The following PSMD3 variants were observed in gnomAD, a reference collection of about 807,000 sequenced individuals.
The protein encoded by PSMD3 is 26S proteasome non-ATPase regulatory subunit 3.
A neutral mutation model predicts 62.8 loss-of-function variants in PSMD3; 5 were observed. That is an observed-to-expected ratio of 0.08 (90% confidence interval 0.04 to 0.17). PSMD3 has a LOEUF of 0.17. Among genes scored for constraint, PSMD3 ranks in the 10% least tolerant of loss-of-function variants. The pLI, the probability that PSMD3 is intolerant of heterozygous loss-of-function variation, is 1.00. For missense variants in PSMD3, 524 were observed against 713.6 expected, an observed-to-expected ratio of 0.73 and a Z score of 3.03; for synonymous variants, 265 against 283.9, an observed-to-expected ratio of 0.93 and a Z score of 0.67.
At chr17:39,986,740 A>C in intron 3 of PSMD3, 28 bp downstream of exon 3, 1 of 1,612,630 alleles carries the variant, frequency 6.2e-7, no homozygotes, top group Non-Finnish European at 8.5e-7. Context: ...AGAGCGATTC[A>C]TAAGCCCCAA....
chr17:39,995,365 T>G lies in PSMD3; in HGVS notation c.1217-59T>G. 1 of 1,613,620 alleles carries G rather than the reference T, an allele frequency of 6.2e-7. No individual in the cohort carries two copies. The highest frequency in any genetic ancestry group is 8.5e-7 in the Non-Finnish European group (1 of 1,179,556). On this transcript the variant is annotated intron_variant, in intron 8 of 11. Coordinates refer to ENST00000264639, the MANE Select transcript of PSMD3 (RefSeq NM_002809.4). This position sits in a 1 kb window ranked among gnomAD's most constrained non-coding sequence, Gnocchi z 4.1. ...GCCAGGGCAAACCTAGTGGGTATCC[T>G]TGGGCAAGTGAAGGGTCTGTGTCCA...
Position 39,980,969 on chromosome 17 carries a change from C to T in PSMD3, c.-2C>T, listed in dbSNP as rs1238267133. 3.9e-6 allele frequency: 6 copies of T among 1,532,460 alleles called. No individual in the cohort carries two copies. Among genetic ancestry groups the T allele is most frequent in the South Asian group, 3.7e-5 (3 of 81,194 alleles). 94.9% of individuals were successfully genotyped at this position (1,532,460 alleles called of 1,614,324 possible). A position where few individuals can be genotyped will look rare whatever the true frequency, so the allele number is the denominator to read the frequency against. On this transcript the variant is annotated 5_prime_UTR_variant, in exon 1 of 12. Coordinates refer to ENST00000264639, the MANE Select transcript of PSMD3 (RefSeq NM_002809.4). ...CCGGACTAGGCCGTGACCCCGGGTG[C>T]CATGAAGCAGGAGGGCTCGGCGCGG...
intron 3 of PSMD3, among the ~76,000 whole-genome samples, chr17:39,987,504 G>A (rs907677278): frequency 6.6e-6 from 1 of 151,966 alleles, no homozygotes; most frequent in East Asian, 1.9e-4. Flanking sequence ...GTGCCACCAC[G>A]CCCAGCTAAT....
At chr17:39,989,692 G>T in intron 4 of PSMD3, 47 bp from the exon 5 acceptor site, 1 of 1,557,764 alleles carries the variant, frequency 6.4e-7, no homozygotes, top group South Asian at 1.1e-5. Context: ...AGGCAGTTCA[G>T]AGAGTTGTGA....
Position 39,997,687 on chromosome 17 carries a change from C to A in PSMD3, c.*106C>A. 1 of 1,321,474 alleles carries A rather than the reference C, an allele frequency of 7.6e-7. No individual in the cohort carries two copies. Among genetic ancestry groups the A allele is most frequent in the Non-Finnish European group, 1.1e-6 (1 of 942,910 alleles). 81.9% of individuals were successfully genotyped at this position (1,321,474 alleles called of 1,614,324 possible). ...CATTTTCCCACACACAGCTCATATG[C>A]TGCATTCGTGCAGGGGGTGGGGGTG... On this transcript the variant is annotated 3_prime_UTR_variant, in exon 12 of 12. Coordinates refer to ENST00000264639, the MANE Select transcript of PSMD3 (RefSeq NM_002809.4).
intron 3 of PSMD3, among the ~76,000 whole-genome samples, chr17:39,987,141 A>G (rs1043786074): frequency 2.0e-5 from 3 of 152,232 alleles, no homozygotes; most frequent in African/African-American, 7.2e-5. Context: ...AATGATCTGC[A>G]TATAGTAAGC....
chr17:39,984,601 C>A, intron 2 of PSMD3, 117 bp downstream of exon 2: 1 of 968,178 alleles, frequency 1.0e-6, no homozygotes, highest in South Asian at 1.8e-5. Context: ...GGAGAGAAGC[C>A]AAAGCAGTCC....
intron 3 of PSMD3, among the ~76,000 whole-genome samples, chr17:39,988,319 T>C (rs968363003): frequency 6.6e-6 from 1 of 152,244 alleles, no homozygotes; most frequent in African/African-American, 2.4e-5. Context: ...TTCATGTAAA[T>C]GGAATTACAC....
intron 6 of PSMD3, 29 bp downstream of exon 6, chr17:39,990,226 C>CCG: frequency 1.4e-6 from 2 of 1,444,042 alleles, no homozygotes; most frequent in Non-Finnish European, 1.9e-6. Flanking sequence ...CATCCCTTTG[C>CCG]CTCTTTTTTT....
chr17:39,997,716 G>T lies in PSMD3; in HGVS notation c.*135G>T. Reference sequence around the variant, plus strand: ...ATTCGTGCAGGGGGTGGGGGTGCTGGGAGCCAGCCACCCTGACCTCCCCCA... The same window carrying T: ...ATTCGTGCAGGGGGTGGGGGTGCTGTGAGCCAGCCACCCTGACCTCCCCCA... On this transcript the variant is annotated 3_prime_UTR_variant, in exon 12 of 12. Transcript: ENST00000264639. The T allele has an allele frequency of 9.5e-7, 1 of 1,057,300 alleles. No homozygotes were observed. Among genetic ancestry groups the T allele is most frequent in the South Asian group, 1.5e-5 (1 of 67,766 alleles). The allele number at this position is 1,057,300 out of a possible 1,614,324, so 65.5% of individuals were successfully genotyped here. A position where few individuals can be genotyped will look rare whatever the true frequency, so the allele number is the denominator to read the frequency against.
intron 6 of PSMD3, among the ~76,000 whole-genome samples, chr17:39,992,779 CGTT>C (rs1980690586): frequency 1.3e-5 from 1 of 77,060 alleles, no homozygotes; most frequent in East Asian, 5.6e-4. Context: ...CTCAGGCGGC[CGTT>C]CCTGTCTCCC....
chr17:39,988,634 T>C (rs771513693), intron 3 of PSMD3, 49 bp from the exon 4 acceptor site: 38 of 1,604,480 alleles, frequency 2.4e-5, no homozygotes, highest in Non-Finnish European at 3.0e-5. Flanking sequence ...ACTCCATGTT[T>C]ATCCTTTTGA....
rs8071037 is a variant in PSMD3 at position 39,996,051 on chromosome 17, A to T, written c.1321-132A>T. 0.55 allele frequency: 607,826 copies of T among 1,108,936 alleles called. 167,949 individuals carry two copies. The highest frequency in any genetic ancestry group is 0.7 in the Middle Eastern group (2,366 of 3,370). The allele number at this position is 1,108,936 out of a possible 1,614,324, so 68.7% of individuals were successfully genotyped here. On this transcript the variant is annotated intron_variant, in intron 9 of 11. Transcript: ENST00000264639. The surrounding 1 kb of genome is among the most constrained non-coding windows in gnomAD (Gnocchi z 5.1). The stretch of plus-strand genomic sequence containing the variant: ...GGAGAATCGCTTGAACCCGGGAGGT[A>T]AAGGTTGCAGTGAGCTGAGATCGCA...
At position 39,995,652 on chromosome 17, in the gene PSMD3, C is replaced by T. The variant is rs1879395522; in HGVS notation, c.1320+125C>T. On this transcript the variant is annotated intron_variant, in intron 9 of 11. Transcript: ENST00000264639. The surrounding 1 kb of genome is among the most constrained non-coding windows in gnomAD (Gnocchi z 4.1). ...AAGCAATGGCATAGTCATTTCAGGGCGTGCCCGTCATTTGCAGTGAAGCCA... is the reference window on the plus strand; with the variant it reads ...AAGCAATGGCATAGTCATTTCAGGGTGTGCCCGTCATTTGCAGTGAAGCCA... 9 of 934,010 alleles carry T rather than the reference C, an allele frequency of 9.6e-6. No individual in the cohort carries two copies. Among genetic ancestry groups the T allele is most frequent in the Admixed American group, 4.3e-5 (2 of 46,348 alleles). 57.9% of individuals were successfully genotyped at this position (934,010 alleles called of 1,614,324 possible).
At chr17:39,994,766 G>A (rs1478075059) in intron 6 of PSMD3, 188 bp from the exon 7 acceptor site, 16 of 601,218 alleles carry the variant, frequency 2.7e-5, no homozygotes, top group Admixed American at 2.1e-4. Flanking sequence ...CCCAGCACCC[G>A]GCTCCAAAGG....
chr17:39,996,361 G>A lies in PSMD3; in HGVS notation c.1476+23G>A, dbSNP rs987122234. The A allele has an allele frequency of 1.9e-6, 3 of 1,609,620 alleles. No homozygotes were observed. Among genetic ancestry groups the A allele is most frequent in the African/African-American group, 1.3e-5 (1 of 74,756 alleles). ...AAGGTGAGAAGCCCGTGGCTGCAGAGTCACGCCTGGCAGCAGCACACCCCT... is the reference window on the plus strand; with the variant it reads ...AAGGTGAGAAGCCCGTGGCTGCAGAATCACGCCTGGCAGCAGCACACCCCT... On this transcript the variant is annotated intron_variant, in intron 10 of 11. Coordinates refer to ENST00000264639, the MANE Select transcript of PSMD3 (RefSeq NM_002809.4). This position sits in a 1 kb window ranked among gnomAD's most constrained non-coding sequence, Gnocchi z 5.1.
At chr17:39,982,825 C>CTATCATAA (rs753907641) in intron 1 of PSMD3, among the ~76,000 whole-genome samples, 1 of 152,264 alleles carries the variant, frequency 6.6e-6, no homozygotes, top group Middle Eastern at 3.4e-3. Flanking sequence ...TAGTTTCTTG[C>CTATCATAA]TATCATAAAT....
chr17:39,991,894 A>G (rs1980662702), intron 6 of PSMD3, among the ~76,000 whole-genome samples: 1 of 152,026 alleles, frequency 6.6e-6, no homozygotes, highest in Non-Finnish European at 1.5e-5. Flanking sequence ...GCGTGATGGC[A>G]TGCACCTGTA....
At chr17:39,993,953 C>T (rs1980719432) in intron 6 of PSMD3, 1 of 152,216 alleles carries the variant, frequency 6.6e-6, no homozygotes, top group Non-Finnish European at 1.5e-5. Context: ...GCCTGGCACA[C>T]AAAATGGCAA....
Sources: gnomAD v4.1 joint callset for allele counts (sites outside exome capture counted in the v4.1 genomes callset) on GRCh38, gnomAD v4.1.1 for gene constraint, Gnocchi (gnomAD v3.1) non-coding constraint, MANE v1.5 for transcripts, NCBI Gene and HGNC (gene_info 2026-07-23, HGNC 2026-07-21) for gene names.